Variants in RUFY2 observed in about 807,000 individuals in gnomAD.
RUFY2 encodes RUN and FYVE domain-containing protein 2.
RUFY2 carries 49 observed loss-of-function variants against 94.4 expected under a neutral mutation model. The ratio of observed to expected loss-of-function variants is 0.52; its 90% CI spans 0.41 to 0.66. The LOEUF (loss-of-function observed/expected upper bound fraction) is 0.66. RUFY2 is among the 30% of genes least tolerant of loss of function. The pLI, the probability that RUFY2 is intolerant of heterozygous loss-of-function variation, is 0.00. For missense variants in RUFY2, 541 were observed against 692.8 expected, an observed-to-expected ratio of 0.78 and a Z score of 2.46; for synonymous variants, 255 against 235.7, an observed-to-expected ratio of 1.08 and a Z score of -0.75.
chr10:68,357,292 G>A (rs1480479118), intron 15 of RUFY2, among the ~76,000 whole-genome samples: 1 of 150,734 alleles, frequency 6.6e-6, no homozygotes, highest in Non-Finnish European at 1.5e-5. Context: ...GCAGTGGCAT[G>A]ATCTCGACTC....
At chr10:68,393,079 G>GA in intron 7 of RUFY2, 59 bp downstream of exon 7, 6 of 988,104 alleles carry the variant, frequency 6.1e-6, no homozygotes, top group South Asian at 1.7e-5. Context: ...AAGCTGAAGG[G>GA]AAAAAAACAA....
rs951694109 is a variant in RUFY2, at chr10:68,343,631, A to G, written c.*2137T>C. On this transcript the variant is annotated 3_prime_UTR_variant, in exon 18 of 18. Coordinates refer to ENST00000602465, the MANE Select transcript of RUFY2 (RefSeq NM_001330103.2). Reference sequence around the variant, plus strand: ...GGCACCATGATAGCATTATTGTGGTAGTACTGCTAGGTGAGGGAATGGTAT... The same window carrying G: ...GGCACCATGATAGCATTATTGTGGTGGTACTGCTAGGTGAGGGAATGGTAT... The G allele has an allele frequency of 6.6e-6, 1 of 152,590 alleles. No individual in the cohort carries two copies. The allele number at this position is 152,590 out of a possible 1,614,324, so 9.5% of individuals were successfully genotyped here. A position where few individuals can be genotyped will look rare whatever the true frequency, so the allele number is the denominator to read the frequency against.
Position 68,396,764 on chromosome 10 carries a change from A to G in RUFY2, c.398+16T>C, listed in dbSNP as rs752109518. On this transcript the variant is annotated intron_variant, in intron 4 of 17. Coordinates refer to ENST00000602465, the MANE Select transcript of RUFY2 (RefSeq NM_001330103.2). ...TAAAATAAAAAATGAAAAGATCACG[A>G]CTTAATAGTACTAACCTCAAGAGAT... 7 of 1,539,662 alleles carry G rather than the reference A, an allele frequency of 4.5e-6. No individual in the cohort carries two copies. In the East Asian group the frequency reaches 1.1e-4, roughly 25 times the overall value.
chr10:68,352,907 G>GA (rs1011852901), intron 16 of RUFY2, among the ~76,000 whole-genome samples: 2 of 151,380 alleles, frequency 1.3e-5, no homozygotes, highest in African/African-American at 4.9e-5. Context: ...GCAACAGAGG[G>GA]AGACTCCATC....
At chr10:68,381,562 G>C (rs944776921) in intron 10 of RUFY2, among the ~76,000 whole-genome samples, 163 bp from the exon 11 acceptor site, 2 of 152,168 alleles carry the variant, frequency 1.3e-5, no homozygotes, top group Non-Finnish European at 2.9e-5. Flanking sequence ...TTGAAATGCA[G>C]GGCCAGGCGC....
chr10:68,375,243 T>A (rs977213634), intron 13 of RUFY2, among the ~76,000 whole-genome samples: 1 of 136,128 alleles, frequency 7.3e-6, no homozygotes, highest in Non-Finnish European at 1.5e-5. Flanking sequence ...TTAAAAAAAA[T>A]GTTAGGGAGC....
chr10:68,353,124 G>A (rs1303896864), intron 16 of RUFY2, among the ~76,000 whole-genome samples: 4 of 152,166 alleles, frequency 2.6e-5, no homozygotes, highest in East Asian at 3.9e-4. Flanking sequence ...CCTGAGGTCA[G>A]GAGTTTGAGA....
intron 10 of RUFY2, 59 bp downstream of exon 10, chr10:68,383,739 G>T: frequency 1.7e-6 from 2 of 1,166,988 alleles, no homozygotes; most frequent in Non-Finnish European, 2.6e-6. Flanking sequence ...AATGGTGCTT[G>T]CTTGAGGGTA....
At chr10:68,395,423 TTATGA>T (rs1472010437) in intron 4 of RUFY2, among the ~76,000 whole-genome samples, 1 of 152,114 alleles carries the variant, frequency 6.6e-6, no homozygotes, top group Non-Finnish European at 1.5e-5. Flanking sequence ...GCTGATCTGA[TTATGA>T]TATATTTTAT....
At chr10:68,371,245 C>A (rs1353654776) in intron 13 of RUFY2, among the ~76,000 whole-genome samples, 2 of 151,326 alleles carry the variant, frequency 1.3e-5, no homozygotes, top group African/African-American at 4.9e-5. Context: ...GATGGTGAAA[C>A]CCCGTATCTA....
At chr10:68,402,471 C>G (rs1021702873) in intron 2 of RUFY2, among the ~76,000 whole-genome samples, 14 of 151,992 alleles carry the variant, frequency 9.2e-5, no homozygotes, top group Admixed American at 4.6e-4. Context: ...GAAAAGCACA[C>G]GCACAAAGTA....
intron 13 of RUFY2, among the ~76,000 whole-genome samples, chr10:68,368,189 G>C (rs578014998): frequency 6.6e-6 from 1 of 151,050 alleles, no homozygotes; most frequent in African/African-American, 2.4e-5. Flanking sequence ...GGCTGGTCTC[G>C]AACTCTTGAC....
At chr10:68,374,247 G>A (rs1393838598) in intron 13 of RUFY2, among the ~76,000 whole-genome samples, 4 of 151,824 alleles carry the variant, frequency 2.6e-5, no homozygotes, top group South Asian at 2.1e-4. Flanking sequence ...ACTAGCCTGG[G>A]CAGCATAGCA....
chr10:68,397,568 TA>T (rs539241073), intron 3 of RUFY2, among the ~76,000 whole-genome samples: 149 of 149,038 alleles, frequency 1.0e-3, no homozygotes, highest in Middle Eastern at 3.5e-3. Context: ...TGTCTCTATA[TA>T]AAAAAAATAA....
At chr10:68,404,021 C>G (rs140773765) in intron 2 of RUFY2, among the ~76,000 whole-genome samples, 1 of 152,276 alleles carries the variant, frequency 6.6e-6, no homozygotes, top group Non-Finnish European at 1.5e-5. Context: ...TAGTGTACAA[C>G]TCTTACATAG....
intron 13 of RUFY2, among the ~76,000 whole-genome samples, chr10:68,370,584 T>A (rs1039592036): frequency 7.9e-5 from 12 of 151,384 alleles, no homozygotes; most frequent in African/African-American, 2.9e-4. Flanking sequence ...AAGTTCAGGT[T>A]CACAGTGAGC....
rs765954658 is a variant in RUFY2, at chr10:68,384,155, A to T, written c.721-3T>A. ...ATGTTATTCTTTGCTATTGCTAACT[A>T]AAAATTAAGAAACGGGCAAGAAAAA... On this transcript the variant is annotated splice_polypyrimidine_tract_variant and splice_region_variant and intron_variant, in intron 8 of 17. Coordinates refer to ENST00000602465, the MANE Select transcript of RUFY2 (RefSeq NM_001330103.2). 2 of 1,604,880 alleles carry T rather than the reference A, an allele frequency of 1.2e-6. No homozygotes were observed. The highest frequency in any genetic ancestry group is 4.5e-5 in the East Asian group (2 of 44,806).
chr10:68,367,737 CCTCTCT>C (rs1165274393), intron 13 of RUFY2, among the ~76,000 whole-genome samples: 1 of 140,100 alleles, frequency 7.1e-6, no homozygotes, highest in Non-Finnish European at 1.6e-5. Context: ...TCCCTCCCTC[CCTCTCT>C]CTCTCTCTCT....
At chr10:68,403,066 G>A (rs142911771) in intron 2 of RUFY2, among the ~76,000 whole-genome samples, 5,905 of 150,626 alleles carry the variant, frequency 0.039, 363 homozygotes, top group African/African-American at 0.13. Context: ...GGCTGATCTC[G>A]AACTCCTGAC....
Sources: allele counts gnomAD v4.1 joint callset (sites outside exome capture counted in the v4.1 genomes callset), GRCh38; gene constraint gnomAD v4.1.1; transcripts MANE v1.5; gene names NCBI Gene and HGNC (gene_info 2026-07-23, HGNC 2026-07-21).